UVSSA: variants seen among roughly 807,000 people sequenced by gnomAD.
UVSSA encodes UV-stimulated scaffold protein A.
Under a neutral mutation model 73.9 loss-of-function variants are expected in UVSSA, and 72 were observed. That is an observed-to-expected ratio of 0.97 (90% confidence interval 0.81 to 1.19). UVSSA has a LOEUF of 1.19. Ranked by LOEUF, UVSSA falls within the 50% of genes most tolerant of loss-of-function variation. The pLI is 0.00. For synonymous variants in UVSSA, 454 were observed against 391.3 expected (o/e 1.16, Z -1.89); for missense variants, 1,150 against 965.0 (o/e 1.19, Z -2.54).
intron 8 of UVSSA, 58 bp from the exon 9 acceptor site, chr4:1,375,306 T>G (rs11946956): frequency 0.7 from 1,116,256 of 1,601,280 alleles, 392,548 homozygotes; most frequent in African/African-American, 0.93. Flanking sequence ...CGGTCTTGCC[T>G]GATGTGCCTG....
In UVSSA at chr4:1,369,679, G is replaced by A. The variant is rs957755165; in HGVS notation, c.1288+3248G>A. 3.3e-5 allele frequency among the ~76,000 whole-genome samples: 5 copies of A among 152,322 alleles called. 1 individual carries two copies. Among genetic ancestry groups the A allele is most frequent in the East Asian group, 1.9e-4 (1 of 5,176 alleles). On this transcript the variant is annotated intron_variant, in intron 8 of 13. Transcript: ENST00000389851. ...ACTAGGTAAAATCAATAATGTCAGC[G>A]CTGGGCAGGCCGCCTGGGCGCAGAG...
downstream of UVSSA, chr4:1,389,833 G>A (rs1234178283): frequency 6.6e-6 from 1 of 152,108 alleles, no homozygotes; most frequent in African/African-American, 2.4e-5. Flanking sequence ...CCTATTCATA[G>A]TATTTTCTGG....
chr4:1,348,808 G>A (rs373478595), intron 2 of UVSSA, among the ~76,000 whole-genome samples: 1 of 152,342 alleles, frequency 6.6e-6, no homozygotes, highest in South Asian at 2.1e-4. Flanking sequence ...TGTGGCCTGC[G>A]CCAGGAAATC....
At chr4:1,380,022 T>C (rs1719277644) in intron 10 of UVSSA, 25 bp from the exon 11 acceptor site, 1 of 1,577,312 alleles carries the variant, frequency 6.3e-7, no homozygotes, top group Non-Finnish European at 8.6e-7. Context: ...GCAGATGCTA[T>C]GAGGGCCTCT....
In UVSSA at chr4:1,355,236, A is replaced by C; in HGVS notation, c.1167A>C (p.Glu389Asp). The part of the protein sequence containing the change: ...KELDIEPEGG[E>D]RRRTEALGDA... ...TGGACATCGAGCCTGAGGGAGGGGA[A>C]AGGCGCAGGGTGAGTGGGCAGGCGG... Residue 389 changes from glutamate to aspartate, a missense_variant, in exon 7 of 14, where the codon GAA (glutamate) becomes GAC (aspartate). Glu to Asp is a conservative substitution (Grantham distance 45). Coordinates refer to ENST00000389851, the MANE Select transcript of UVSSA (RefSeq NM_020894.4). The C allele has an allele frequency of 6.3e-7, 1 of 1,598,756 alleles. No homozygotes were observed. The highest frequency in any genetic ancestry group is 2.3e-5 in the East Asian group (1 of 43,980).
chr4:1,362,856 C>T (rs1029736009), intron 7 of UVSSA, among the ~76,000 whole-genome samples: 5 of 152,190 alleles, frequency 3.3e-5, no homozygotes, highest in African/African-American at 9.7e-5. Context: ...GTGACCACGC[C>T]GTTCCTGTCC....
chr4:1,366,256 C>T, intron 7 of UVSSA, 64 bp from the exon 8 acceptor site: 2 of 1,304,140 alleles, frequency 1.5e-6, no homozygotes, highest in Admixed American at 2.2e-5. Context: ...GGGCTCTGCC[C>T]ACCGGGAGCT....
intron 10 of UVSSA, among the ~76,000 whole-genome samples, chr4:1,377,430 G>A (rs528696435): frequency 6.6e-6 from 1 of 152,326 alleles, no homozygotes; most frequent in African/African-American, 2.4e-5. Context: ...GTGGGGGCCA[G>A]ATTAGGGACA....
At chr4:1,371,256 CTGTGTGTGTGTGTG>C (rs34839757) in intron 8 of UVSSA, among the ~76,000 whole-genome samples, 11 of 146,522 alleles carry the variant, frequency 7.5e-5, no homozygotes, top group South Asian at 2.2e-4. Context: ...GTGGGTGGAC[CTGTGTGTGTGTGTG>C]TGTGTGTGTG....
At chr4:1,371,675 G>A (rs941464144) in intron 8 of UVSSA, among the ~76,000 whole-genome samples, 2 of 152,152 alleles carry the variant, frequency 1.3e-5, no homozygotes, top group Non-Finnish European at 2.9e-5. Flanking sequence ...GGGCTTGTGC[G>A]GAGAAACTCC....
At chr4:1,372,085 T>A (rs1038914559) in intron 8 of UVSSA, among the ~76,000 whole-genome samples, 2 of 152,248 alleles carry the variant, frequency 1.3e-5, no homozygotes, top group African/African-American at 2.4e-5. Flanking sequence ...TCCTATTTTT[T>A]ACTTAAAATC....
At position 1,353,464 on chromosome 4, in the gene UVSSA, G is replaced by T. The variant is rs373076268; in HGVS notation, c.934+51G>T. 68 of 1,437,540 alleles carry T rather than the reference G, an allele frequency of 4.7e-5. No individual in the cohort carries two copies. In the African/African-American group the frequency reaches 8.8e-4, roughly 19 times the overall value. The allele number at this position is 1,437,540 out of a possible 1,614,324, so 89.0% of individuals were successfully genotyped here. A position where few individuals can be genotyped will look rare whatever the true frequency, so the allele number is the denominator to read the frequency against. ...GGCGCCACCCTGCCCCGGCTCCCGGGTAGGCTCCTCCCTCACTGGCACCCG... is the reference window on the plus strand; with the variant it reads ...GGCGCCACCCTGCCCCGGCTCCCGGTTAGGCTCCTCCCTCACTGGCACCCG... On this transcript the variant is annotated intron_variant, in intron 5 of 13. Coordinates refer to ENST00000389851, the MANE Select transcript of UVSSA (RefSeq NM_020894.4).
At chr4:1,372,773 G>GGCACTCACCTCCCGCGTCCCT (rs1172991763) in intron 8 of UVSSA, among the ~76,000 whole-genome samples, 1 of 20,372 alleles carries the variant, frequency 4.9e-5, no homozygotes. Context: ...CGCGTCTCAG[G>GGCACTCACCTCCCGCGTCCCT]GCACTCACCT....
chr4:1,385,426 C>A, intron 13 of UVSSA: 1 of 211,458 alleles, frequency 4.7e-6, no homozygotes, highest in Non-Finnish European at 9.6e-6. Context: ...GCCCCCCCTG[C>A]TGCAGCCCTC....
At chr4:1,372,903 TCTA>T (rs1560469576) in intron 8 of UVSSA, among the ~76,000 whole-genome samples, 377 of 142,410 alleles carry the variant, frequency 2.6e-3, no homozygotes, top group Middle Eastern at 7.1e-3. Context: ...CTCCCGCGTC[TCTA>T]CACACTCACT....
At chr4:1,378,677 C>T (rs1006281183) in intron 10 of UVSSA, among the ~76,000 whole-genome samples, 5 of 152,306 alleles carry the variant, frequency 3.3e-5, no homozygotes, top group East Asian at 1.9e-4. Flanking sequence ...GTTCTCACTG[C>T]GATCCACGGG....
rs758683465 is a variant in UVSSA, at chr4:1,353,222, G to A, written c.743G>A (p.Gly248Glu). The A allele has an allele frequency of 1.2e-6, 2 of 1,612,246 alleles. No individual in the cohort carries two copies. The highest frequency in any genetic ancestry group is 1.7e-6 in the Non-Finnish European group (2 of 1,179,828). Residue 248 changes from glycine (G) to glutamate (E), a missense_variant, in exon 5 of 14, where the codon GGG (glycine) becomes GAG (glutamate). Coordinates refer to ENST00000389851, the MANE Select transcript of UVSSA (RefSeq NM_020894.4). The stretch of plus-strand genomic sequence containing the variant: ...TCTGGCACCCCTGACCCCCGGGACG[G>A]GGAGCAGCCCTGCTGCAGTAGAGAC... ...CRSGTPDPRD[G>E]EQPCCSRDLP...
intron 12 of UVSSA, among the ~76,000 whole-genome samples, chr4:1,383,346 TG>T (rs1719720679): frequency 6.6e-6 from 1 of 152,144 alleles, no homozygotes; most frequent in Non-Finnish European, 1.5e-5. Context: ...GTTTGCCTAG[TG>T]GGGCACGGTC....
chr4:1,366,568 C>T, intron 8 of UVSSA, 137 bp downstream of exon 8: 2 of 609,042 alleles, frequency 3.3e-6, no homozygotes, highest in Admixed American at 3.2e-5. Context: ...TAAAATGCTG[C>T]TTTTCCTGCT....
Sources: allele counts gnomAD v4.1 joint callset (sites outside exome capture counted in the v4.1 genomes callset), GRCh38; gene constraint gnomAD v4.1.1; transcripts MANE v1.5; gene names NCBI Gene and HGNC (gene_info 2026-07-23, HGNC 2026-07-21).